The following SAFB2 variants were observed in gnomAD, a reference collection of about 807,000 sequenced individuals.
SAFB2 encodes scaffold attachment factor B2.
In SAFB2, 32 loss-of-function variants were observed where a neutral mutation model predicts 100.6. That is an observed-to-expected ratio of 0.32 (90% CI 0.24 to 0.43). SAFB2 has a LOEUF of 0.43. SAFB2 is among the 20% of genes least tolerant of loss of function. SAFB2 has a pLI of 1.00. For synonymous variants in SAFB2, 500 were observed against 439.4 expected (o/e 1.14, Z -1.72); for missense variants, 1,185 against 1,163.4 (o/e 1.02, Z -0.27).
intron 14 of SAFB2, 117 bp downstream of exon 14, chr19:5,595,244 G>A (rs1003011857): frequency 4.2e-5 from 58 of 1,381,268 alleles, no homozygotes; most frequent in Middle Eastern, 2.6e-4. Flanking sequence ...CACGACACCC[G>A]CCAGCCCAGG....
chr19:5,607,050 A>T (rs2052790837), intron 9 of SAFB2, among the ~76,000 whole-genome samples: 1 of 152,228 alleles, frequency 6.6e-6, no homozygotes, highest in Non-Finnish European at 1.5e-5. Context: ...TCACGAGGTC[A>T]GGAGATCAAG....
Position 5,609,985 on chromosome 19 carries a change from G to C in SAFB2, c.1296+10C>G. The C allele has an allele frequency of 1.2e-6, 2 of 1,610,846 alleles. No individual in the cohort carries two copies. The highest frequency in any genetic ancestry group is 1.7e-6 in the Non-Finnish European group (2 of 1,177,346). On this transcript the variant is annotated intron_variant, in intron 9 of 20. Coordinates refer to ENST00000252542, the MANE Select transcript of SAFB2 (RefSeq NM_014649.3). ...TCACAGTGGATGGTATGAGGCAAGGGAAGGCATACCTTCCCATACTTGCTG... is the reference window on the plus strand; with the variant it reads ...TCACAGTGGATGGTATGAGGCAAGGCAAGGCATACCTTCCCATACTTGCTG...
At chr19:5,615,991 G>T in intron 4 of SAFB2, 141 bp downstream of exon 4, 1 of 710,084 alleles carries the variant, frequency 1.4e-6, no homozygotes, top group Non-Finnish European at 2.4e-6. Flanking sequence ...CGTTTAAATG[G>T]ACATGGTTTA....
Position 5,610,973 on chromosome 19 carries a change from A to C in SAFB2, c.1145+147T>G. 5.3e-6 allele frequency: 3 copies of C among 567,308 alleles called. No homozygotes were observed. The South Asian group carries it at 7.0e-5, about 13-fold the overall frequency. The allele number at this position is 567,308 out of a possible 1,614,324, so 35.1% of individuals were successfully genotyped here. A position where few individuals can be genotyped will look rare whatever the true frequency, so the allele number is the denominator to read the frequency against. The stretch of plus-strand genomic sequence containing the variant: ...GAATTGAATCACCCATTAAAAACAC[A>C]CAAAGAGAAACGAAACATTCTTTAG... On this transcript the variant is annotated intron_variant, in intron 7 of 20. Transcript: ENST00000252542.
Position 5,621,297 on chromosome 19 carries a change from T to C in SAFB2, c.274+12A>G, listed in dbSNP as rs1168084174. The C allele has an allele frequency of 3.2e-6, 5 of 1,564,878 alleles. No homozygotes were observed. Among genetic ancestry groups the C allele is most frequent in the Non-Finnish European group, 3.5e-6 (4 of 1,135,074 alleles). On this transcript the variant is annotated intron_variant, in intron 2 of 20. Coordinates refer to ENST00000252542, the MANE Select transcript of SAFB2 (RefSeq NM_014649.3). ...CTGAACACTCAAGCCCCAAGCAGCA[T>C]ATGTACAATACCTTTAACACATCTC...
At chr19:5,589,459 C>CA (rs2052340298) in intron 18 of SAFB2, among the ~76,000 whole-genome samples, 1 of 151,926 alleles carries the variant, frequency 6.6e-6, no homozygotes, top group Non-Finnish European at 1.5e-5. Flanking sequence ...CACAGGGGGC[C>CA]AAAACCCACC....
rs537961674 is a variant in SAFB2 at position 5,611,895 on chromosome 19, G to A, written c.635-265C>T. ...ACAACCACGCGGCTGGTTCTCAATA[G>A]TCTTCTTCGAGTTTTTGTTCAAGTC... On this transcript the variant is annotated intron_variant, in intron 6 of 20. Transcript: ENST00000252542. The A allele has an allele frequency of 3.9e-5, 23 of 588,644 alleles. No individual in the cohort carries two copies. The Admixed American group carries it at 4.4e-4, about 11-fold the overall frequency. The allele number at this position is 588,644 out of a possible 1,614,324, so 36.5% of individuals were successfully genotyped here.
intron 15 of SAFB2, chr19:5,593,615 G>A (rs746809293): frequency 8.8e-5 from 36 of 409,078 alleles, no homozygotes; most frequent in Non-Finnish European, 1.5e-4. Flanking sequence ...AAGTGGAGAG[G>A]AAAAGCATCA....
At chr19:5,610,718 A>C (rs746686892) in intron 7 of SAFB2, 30 bp from the exon 8 acceptor site, 1 of 1,450,762 alleles carries the variant, frequency 6.9e-7, no homozygotes, top group South Asian at 1.2e-5. Context: ...TTACTCATAC[A>C]GGAAAAAAAC....
rs749273357 is a variant in SAFB2, at chr19:5,595,478, C to T, written c.1802G>A (p.Arg601His). 6.2e-7 allele frequency: 1 copy of T among 1,613,750 alleles called. No homozygotes were observed. The highest frequency in any genetic ancestry group is 8.5e-7 in the Non-Finnish European group (1 of 1,180,022). ...TCTCTTTTCTTTGCTTTCTGACTTG[C>T]GATCCTGACTCTTGGAGCTCTGTTT... ...SKERSSKSQD[R>H]KSESKEKRDI... Residue 601 changes from arginine to histidine, a missense_variant, in exon 14 of 21, where the codon CGC becomes CAC. By Grantham distance (29) the Arg-to-His change is conservative. This residue lies in a region of SAFB2 where 740 missense variants were observed against 687.1 expected (regional missense o/e 1.08). Transcript: ENST00000252542.
Position 5,604,920 on chromosome 19 carries a change from A to C in SAFB2, c.1313T>G (p.Val438Gly). 6.2e-7 allele frequency: 1 copy of C among 1,613,158 alleles called. No individual in the cohort carries two copies. The highest frequency in any genetic ancestry group is 8.5e-7 in the Non-Finnish European group (1 of 1,179,982). Residue 438 changes from valine (V) to glycine (G), a missense_variant, in exon 10 of 21, where the codon GTG (valine) becomes GGG (glycine). Coordinates refer to ENST00000252542, the MANE Select transcript of SAFB2 (RefSeq NM_014649.3). ...CCCCGGGCTGCGGGCGTTCGTTACC[A>C]CTTTGGCCCCGACAACCTTCATGAA... ...SKYGKVVGAK[V>G]VTNARSPGAR... is the part of the protein sequence containing the mutation.
chr19:5,615,875 T>C (rs938438608), intron 4 of SAFB2, among the ~76,000 whole-genome samples: 1 of 152,244 alleles, frequency 6.6e-6, no homozygotes, highest in Admixed American at 6.5e-5. Context: ...AAAAATCTTT[T>C]ATGTCAGAGC....
At chr19:5,610,877 A>G (rs1258637945) in intron 7 of SAFB2, 189 bp from the exon 8 acceptor site, 3 of 774,598 alleles carry the variant, frequency 3.9e-6, no homozygotes, top group Non-Finnish European at 6.1e-6. Flanking sequence ...TGTAAAAGTC[A>G]ATTCGATTTA....
chr19:5,592,799 G>C lies in SAFB2; in HGVS notation c.2296C>G (p.His766Asp), dbSNP rs2145318122. ...CCCCGGTCTCGATGATCGAAGTCGT[G>C]AAAGCGGTGGTCTGGCCGGGGAAAG... Reference protein sequence around the residue: ...ADFPRPDHRFHDFDHRDRGQY... With the variant: ...ADFPRPDHRFDDFDHRDRGQY... Residue 766 changes from histidine to aspartate, a missense_variant, in exon 16 of 21, where the codon CAC (histidine) becomes GAC (aspartate). Coordinates refer to ENST00000252542, the MANE Select transcript of SAFB2 (RefSeq NM_014649.3). 1.9e-6 allele frequency: 3 copies of C among 1,614,210 alleles called. No individual in the cohort carries two copies. Among genetic ancestry groups the C allele is most frequent in the Non-Finnish European group, 2.5e-6 (3 of 1,180,042 alleles).
In SAFB2 at chr19:5,587,558, C is replaced by T. The variant is rs947115027; in HGVS notation, c.2705+143G>A. On this transcript the variant is annotated intron_variant, in intron 20 of 20. Coordinates refer to ENST00000252542, the MANE Select transcript of SAFB2 (RefSeq NM_014649.3). The surrounding 1 kb of genome is among the most constrained non-coding windows in gnomAD (Gnocchi z 4.9). Reference sequence around the variant, plus strand: ...CATTGTATTCCAGGTAACTCAAGAGCGTTATTTGCATAAATTGCAAAGAGC... The same window carrying T: ...CATTGTATTCCAGGTAACTCAAGAGTGTTATTTGCATAAATTGCAAAGAGC... The T allele has an allele frequency of 2.7e-5, 40 of 1,455,906 alleles. No individual in the cohort carries two copies. Among genetic ancestry groups the T allele is most frequent in the East Asian group, 2.5e-5 (1 of 40,026 alleles). The allele number at this position is 1,455,906 out of a possible 1,614,324, so 90.2% of individuals were successfully genotyped here.
chr19:5,591,576 C>T, intron 17 of SAFB2, 172 bp downstream of exon 17: 1 of 606,746 alleles, frequency 1.6e-6, no homozygotes, highest in South Asian at 2.0e-5. Context: ...CCACGTCCGA[C>T]TAAATATTTG....
chr19:5,594,345 G>T (rs774709760), intron 14 of SAFB2, 167 bp from the exon 15 acceptor site: 10 of 387,798 alleles, frequency 2.6e-5, no homozygotes, highest in Middle Eastern at 1.3e-3. Flanking sequence ...ACTTAACAAA[G>T]CTACCTTAAG....
chr19:5,622,383 C>T (rs952899080), intron 1 of SAFB2, 147 bp downstream of exon 1: 12 of 682,530 alleles, frequency 1.8e-5, no homozygotes, highest in Non-Finnish European at 2.7e-5. Context: ...ACACAGCCGG[C>T]CCCCTGGGTG....
intron 16 of SAFB2, 22 bp downstream of exon 16, chr19:5,592,725 A>G (rs1293753418): frequency 6.2e-7 from 1 of 1,613,268 alleles, no homozygotes; most frequent in Non-Finnish European, 8.5e-7. Flanking sequence ...CTGTAGCTAA[A>G]GGAGGGGACA....
Sources: allele counts gnomAD v4.1 joint callset (sites outside exome capture counted in the v4.1 genomes callset), GRCh38; gene constraint gnomAD v4.1.1; regional missense constraint gnomAD v4.1.1; non-coding constraint Gnocchi (gnomAD v3.1); transcripts MANE v1.5; gene names NCBI Gene and HGNC (gene_info 2026-07-23, HGNC 2026-07-21).